RBFOX1: variants seen among roughly 807,000 people sequenced by gnomAD.
RBFOX1 encodes the protein RNA binding protein fox-1 homolog 1.
RBFOX1 carries 8 observed loss-of-function variants against 57.7 expected under a neutral mutation model. The observed-to-expected ratio is 0.14, with a 90% CI of 0.08 to 0.25. The LOEUF is 0.25. RBFOX1 is among the 10% of genes least tolerant of loss of function. The pLI is 1.00. For missense variants in RBFOX1, 611 were observed against 548.5 expected (o/e 1.11, Z -1.14); for synonymous variants, 326 against 222.4 (o/e 1.47, Z -4.15).
At chr16:7,128,351 C>T (rs2069172592) in intron 4 of RBFOX1, among the ~76,000 whole-genome samples, 1 of 148,252 alleles carries the variant, frequency 6.7e-6, no homozygotes, top group South Asian at 2.2e-4. Flanking sequence ...ACAGTTCTGT[C>T]ACTTAGCTAT....
intron 4 of RBFOX1, among the ~76,000 whole-genome samples, chr16:7,170,035 A>G (rs981810006): frequency 3.3e-5 from 5 of 152,130 alleles, no homozygotes; most frequent in Non-Finnish European, 4.4e-5. Flanking sequence ...GATTGTGCCA[A>G]TGCACTCTAG....
At chr16:6,976,081 C>T (rs116092503) in intron 3 of RBFOX1, among the ~76,000 whole-genome samples, 2 of 152,096 alleles carry the variant, frequency 1.3e-5, no homozygotes, top group African/African-American at 4.8e-5. Context: ...GAGCCAAGAT[C>T]GTCCCACTGC....
At chr16:6,137,205 G>A (rs2096673080) in intron 1 of RBFOX1, among the ~76,000 whole-genome samples, 1 of 152,214 alleles carries the variant, frequency 6.6e-6, no homozygotes, top group Non-Finnish European at 1.5e-5. Context: ...ACATCCAGTG[G>A]TGGTAAGTTG....
At chr16:5,342,069 G>A (rs2065044959) in intron 1 of RBFOX1, among the ~76,000 whole-genome samples, 1 of 152,194 alleles carries the variant, frequency 6.6e-6, no homozygotes, top group Non-Finnish European at 1.5e-5. Context: ...TGTAGCTTTT[G>A]TCTAAATTTT....
rs188530215 is a variant in RBFOX1 at position 5,874,087 on chromosome 16, A to T, written c.351+6752A>T. 3.3e-5 allele frequency among the ~76,000 whole-genome samples: 5 copies of T among 152,334 alleles called. No homozygotes were observed. In the East Asian group the frequency reaches 7.7e-4, roughly 23 times the overall value. On this transcript the variant is annotated intron_variant, in intron 4 of 19. Transcript: ENST00000641259. The stretch of plus-strand genomic sequence containing the variant: ...AAGAGAGAGGTAGGGGTATTGGATA[A>T]TTCAGAGGGTTTGAGGAAACAGGGT...
chr16:6,489,035 A>T (rs2095568606), intron 2 of RBFOX1, among the ~76,000 whole-genome samples: 1 of 152,158 alleles, frequency 6.6e-6, no homozygotes, highest in Admixed American at 6.6e-5. Flanking sequence ...CTGACACTAA[A>T]ATTGTTACAG....
intron 2 of RBFOX1, among the ~76,000 whole-genome samples, chr16:6,341,762 A>C (rs1303038804): frequency 6.6e-6 from 1 of 151,790 alleles, no homozygotes; most frequent in African/African-American, 2.4e-5. Flanking sequence ...TCACCACTTT[A>C]CTTTCTAAAT....
Position 7,504,773 on chromosome 16 carries a change from ATATATATATATATT to A in RBFOX1, c.28-13360_28-13347del, listed in dbSNP as rs1567554975. Among the ~76,000 whole-genome samples the A allele has an allele frequency of 1.7e-3, 16 of 9,406 alleles. 2 individuals are homozygous for A. Among genetic ancestry groups the A allele is most frequent in the African/African-American group, 3.5e-3 (15 of 4,246 alleles). The allele number at this position is 9,406 out of a possible 152,430, so 6.2% of individuals were successfully genotyped here. A position where few individuals can be genotyped will look rare whatever the true frequency, so the allele number is the denominator to read the frequency against. The stretch of plus-strand genomic sequence containing the variant: ...TATATATTTATATATATATATATTT[ATATATATATATATT>A]TATATATATATATATTTATATATAT... On this transcript the variant is annotated intron_variant, in intron 4 of 15. Coordinates refer to ENST00000550418, the MANE Select transcript of RBFOX1 (RefSeq NM_018723.4).
chr16:7,166,130 C>T (rs2079459640), intron 4 of RBFOX1, among the ~76,000 whole-genome samples: 1 of 152,128 alleles, frequency 6.6e-6, no homozygotes. Context: ...TCTCCTGCTT[C>T]AGCCTTCCGA....
intron 4 of RBFOX1, among the ~76,000 whole-genome samples, chr16:5,960,797 T>C (rs1279729729): frequency 6.6e-6 from 1 of 152,174 alleles, no homozygotes; most frequent in Non-Finnish European, 1.5e-5. Context: ...TCAGCCCCTT[T>C]TATGCAGAAT....
At chr16:6,391,399 A>C (rs970790195) in intron 2 of RBFOX1, among the ~76,000 whole-genome samples, 1 of 151,922 alleles carries the variant, frequency 6.6e-6, no homozygotes, top group African/African-American at 2.4e-5. Flanking sequence ...AGTCCCAGCT[A>C]CTGGGGAGGC....
At chr16:5,737,260 A>G (rs1039479112) in intron 3 of RBFOX1, among the ~76,000 whole-genome samples, 5 of 152,014 alleles carry the variant, frequency 3.3e-5, no homozygotes, top group African/African-American at 1.2e-4. Context: ...AAGGCAGGTG[A>G]ATCACTTGAG....
At chr16:5,960,016 C>A (rs1291989949) in intron 4 of RBFOX1, among the ~76,000 whole-genome samples, 1 of 152,126 alleles carries the variant, frequency 6.6e-6, no homozygotes, top group Admixed American at 6.5e-5. Flanking sequence ...GCCTTGCCAA[C>A]ATGGTGAAAC....
intron 3 of RBFOX1, among the ~76,000 whole-genome samples, chr16:6,775,256 G>A (rs1257250329): frequency 2.7e-5 from 4 of 150,226 alleles, no homozygotes; most frequent in South Asian, 4.2e-4. Context: ...CGTGAAACCG[G>A]GAGGCCGAGC....
At chr16:6,852,638 G>A (rs1052997706) in intron 3 of RBFOX1, among the ~76,000 whole-genome samples, 1 of 152,124 alleles carries the variant, frequency 6.6e-6, no homozygotes. Context: ...GTCTGGGAGA[G>A]GTACATGCTG....
chr16:6,561,792 C>A (rs892132695), intron 2 of RBFOX1, among the ~76,000 whole-genome samples: 2 of 152,122 alleles, frequency 1.3e-5, no homozygotes, highest in African/African-American at 4.8e-5. Context: ...GGACAGATTT[C>A]TGAACATGTG....
chr16:6,265,831 C>G (rs548410745), intron 1 of RBFOX1, among the ~76,000 whole-genome samples: 23 of 152,300 alleles, frequency 1.5e-4, no homozygotes, highest in African/African-American at 5.5e-4. Flanking sequence ...GCCCCCTCTT[C>G]TGCCCAGATT....
At chr16:7,697,855 G>A (rs1028706706) in intron 14 of RBFOX1, among the ~76,000 whole-genome samples, 2 of 152,200 alleles carry the variant, frequency 1.3e-5, no homozygotes, top group African/African-American at 2.4e-5. Flanking sequence ...CTATTTGGAA[G>A]AGACCCAAGG....
At chr16:6,580,908 CTTTTTTT>C (rs5815330) in intron 2 of RBFOX1, among the ~76,000 whole-genome samples, 1 of 142,514 alleles carries the variant, frequency 7.0e-6, no homozygotes, top group Admixed American at 7.1e-5. Context: ...TTTGGGCTTG[CTTTTTTT>C]TTTTTTTTTG....
Sources: gnomAD v4.1 joint callset for allele counts (sites outside exome capture counted in the v4.1 genomes callset) on GRCh38, gnomAD v4.1.1 for gene constraint, MANE v1.5 for transcripts, NCBI Gene and HGNC (gene_info 2026-07-23, HGNC 2026-07-21) for gene names.